Variants in TRAK1 observed in about 807,000 individuals in gnomAD.
The protein encoded by TRAK1 is trafficking kinesin protein 1.
A neutral mutation model predicts 92.1 loss-of-function variants in TRAK1; 33 were observed. That is an observed-to-expected ratio of 0.36 (90% CI 0.27 to 0.48). The LOEUF is 0.48. Ranked by LOEUF, TRAK1 falls within the 20% of genes least tolerant of loss-of-function variation. TRAK1 has a pLI of 0.99. For missense variants in TRAK1, 1,123 were observed against 1,257.9 expected (o/e 0.89, Z 1.62); for synonymous variants, 521 against 517.3 (o/e 1.01, Z -0.10).
At chr3:42,181,270 G>T (rs1398974846) in intron 3 of TRAK1, among the ~76,000 whole-genome samples, 1 of 152,152 alleles carries the variant, frequency 6.6e-6, no homozygotes, top group African/African-American at 2.4e-5. Flanking sequence ...AAGGCCGGGC[G>T]CAGTGGCTCA....
At chr3:42,170,394 C>T (rs1702395450) in intron 2 of TRAK1, among the ~76,000 whole-genome samples, 1 of 152,148 alleles carries the variant, frequency 6.6e-6, no homozygotes, top group Non-Finnish European at 1.5e-5. Context: ...ACAGTGCAGA[C>T]AGTAAGTGCT....
intron 2 of TRAK1, among the ~76,000 whole-genome samples, chr3:42,166,869 C>T (rs769430929): frequency 6.6e-6 from 1 of 152,224 alleles, no homozygotes; most frequent in Non-Finnish European, 1.5e-5. Flanking sequence ...CTAGGCACCA[C>T]ACAGACATGG....
At chr3:42,195,082 A>G in intron 10 of TRAK1, 141 bp downstream of exon 10, 2 of 1,042,642 alleles carry the variant, frequency 1.9e-6, no homozygotes, top group Non-Finnish European at 2.7e-6. Context: ...TGAATCAAGG[A>G]CACTTGAATC....
Position 42,201,041 on chromosome 3 carries a change from G to A in TRAK1, c.1414G>A (p.Ala472Thr). The A allele has an allele frequency of 6.2e-7, 1 of 1,614,234 alleles. No individual in the cohort carries two copies. Among genetic ancestry groups the A allele is most frequent in the Non-Finnish European group, 8.5e-7 (1 of 1,180,038 alleles). Residue 472 changes from alanine to threonine, a missense_variant, in exon 12 of 16, where the codon GCA becomes ACA. By Grantham distance (58) the Ala-to-Thr change is moderately conservative. This residue lies in a region of TRAK1 where 686 missense variants were observed against 747.6 expected (regional missense o/e 0.92). Coordinates refer to ENST00000327628, the MANE Select transcript of TRAK1 (RefSeq NM_001042646.3). ...CAACAGCATCATTCTGGAAACAGAGGCAGCCGACCTGGGGTGAGCAAGCTG... is the reference window on the plus strand; with the variant it reads ...CAACAGCATCATTCTGGAAACAGAGACAGCCGACCTGGGGTGAGCAAGCTG... Reference protein sequence around the residue: ...KTNSIILETEAADLGNDERSK... With the variant: ...KTNSIILETETADLGNDERSK...
rs745829384 is a variant in TRAK1, at chr3:42,125,378, A to G, written c.92-42A>G. 33 of 1,591,730 alleles carry G rather than the reference A, an allele frequency of 2.1e-5. No homozygotes were observed. In the South Asian group the frequency reaches 3.4e-4, roughly 16 times the overall value. On this transcript the variant is annotated intron_variant, in intron 1 of 15. Coordinates refer to ENST00000327628, the MANE Select transcript of TRAK1 (RefSeq NM_001042646.3). ...TTTAGTTAACTAGCAGCAAGGCCAT[A>G]GCCATTTCTGGGCTCTCATTTCTTG...
At chr3:42,032,486 A>C (rs1251658506) in intron 1 of TRAK1, among the ~76,000 whole-genome samples, 1 of 152,000 alleles carries the variant, frequency 6.6e-6, no homozygotes, top group African/African-American at 2.4e-5. Flanking sequence ...ACCTGAAAAA[A>C]AAAAAAAAAA....
At position 42,194,905 on chromosome 3, in the gene TRAK1, G is replaced by C. The variant is rs746442830; in HGVS notation, c.1077G>C (p.Thr359=). Residue 359 remains threonine, a synonymous_variant, in exon 10 of 16, where the codon ACG becomes ACC. Transcript: ENST00000327628. ...GGAACAAAACCATGCCCAATACCAC[G>C]TCTCGGCGCTACCACTCACTGGGCC... is the stretch of plus-strand genomic sequence containing the variant. ...NLRNKTMPNT[T]SRRYHSLGLF... is the part of the protein sequence containing the mutation. 12 of 1,613,950 alleles carry C rather than the reference G, an allele frequency of 7.4e-6. No homozygotes were observed. The highest frequency in any genetic ancestry group is 1.3e-5 in the African/African-American group (1 of 75,054).
chr3:42,104,530 A>G (rs577407543), intron 1 of TRAK1, among the ~76,000 whole-genome samples: 15 of 152,292 alleles, frequency 9.8e-5, no homozygotes, highest in Non-Finnish European at 1.8e-4. Flanking sequence ...AACGTCTGCC[A>G]TCCTGCAATA....
At chr3:42,207,304 C>T (rs1017559066) in intron 13 of TRAK1, among the ~76,000 whole-genome samples, 2 of 152,136 alleles carry the variant, frequency 1.3e-5, no homozygotes, top group East Asian at 1.9e-4. Flanking sequence ...AATGGGAGTC[C>T]GCAGGGACAG....
chr3:42,127,347 CTTTTT>C (rs71741232), intron 2 of TRAK1, among the ~76,000 whole-genome samples: 1 of 127,856 alleles, frequency 7.8e-6, no homozygotes, highest in Admixed American at 7.9e-5. Flanking sequence ...CATTCATACA[CTTTTT>C]TTTTTTTTTT....
intron 3 of TRAK1, among the ~76,000 whole-genome samples, chr3:42,181,046 A>G (rs1703927435): frequency 1.3e-5 from 2 of 152,176 alleles, no homozygotes; most frequent in South Asian, 4.1e-4. Context: ...TGTGACAGGT[A>G]GGACAAAGGA....
intron 1 of TRAK1, among the ~76,000 whole-genome samples, chr3:42,023,391 GCC>G (rs1701797068): frequency 2.6e-5 from 4 of 152,158 alleles, no homozygotes; most frequent in African/African-American, 9.6e-5. Context: ...CAAAGAGAAG[GCC>G]CATGGCAGGG....
intron 3 of TRAK1, among the ~76,000 whole-genome samples, chr3:42,183,184 A>G (rs1704249497): frequency 6.6e-6 from 1 of 152,232 alleles, no homozygotes; most frequent in Admixed American, 6.5e-5. Context: ...ATTGTATTTA[A>G]GTTAAAACAA....
At chr3:42,140,415 G>A (rs1698498455) in intron 2 of TRAK1, among the ~76,000 whole-genome samples, 2 of 152,174 alleles carry the variant, frequency 1.3e-5, no homozygotes, top group Admixed American at 1.3e-4. Context: ...GGATCATGAG[G>A]TCAGGAGATC....
At chr3:42,166,021 C>T (rs1701821741) in intron 2 of TRAK1, among the ~76,000 whole-genome samples, 1 of 152,096 alleles carries the variant, frequency 6.6e-6, no homozygotes, top group South Asian at 2.1e-4. Flanking sequence ...TTTCTTGTAT[C>T]ATCTGAGCTG....
chr3:42,218,160 C>CT, intron 14 of TRAK1: 3 of 985,374 alleles, frequency 3.0e-6, no homozygotes, highest in Non-Finnish European at 3.6e-6. Context: ...TCCTGCCTAC[C>CT]TTTAATCTGT....
At chr3:42,210,090 G>GAGGAGA (rs762287378) in intron 14 of TRAK1, 105 bp downstream of exon 14, 19 of 1,180,004 alleles carry the variant, frequency 1.6e-5, no homozygotes, top group Non-Finnish European at 2.1e-5. Context: ...GGCCACGGAG[G>GAGGAGA]AGGAGGAGGA....
rs116429731 is a variant in TRAK1 at position 42,183,731 on chromosome 3, A to T, written c.364-954A>T. 5.4e-3 allele frequency among the ~76,000 whole-genome samples: 823 copies of T among 152,280 alleles called. 14 individuals carry two copies. The highest frequency in any genetic ancestry group is 0.019 in the African/African-American group (784 of 41,538). On this transcript the variant is annotated intron_variant, in intron 3 of 15. Transcript: ENST00000327628. ...CGACATGTTTCCATTCTTTCTTTCA[A>T]ACCAGATGAGCAGAGTAATTAGCAT...
Position 42,223,772 on chromosome 3 carries a change from C to T in TRAK1, c.*35C>T, listed in dbSNP as rs781273035. 18 of 1,552,456 alleles carry T rather than the reference C, an allele frequency of 1.2e-5. No individual in the cohort carries two copies. Among genetic ancestry groups the T allele is most frequent in the Non-Finnish European group, 1.6e-5 (18 of 1,143,464 alleles). On this transcript the variant is annotated 3_prime_UTR_variant, in exon 16 of 16. Coordinates refer to ENST00000327628, the MANE Select transcript of TRAK1 (RefSeq NM_001042646.3). The surrounding 1 kb of genome is among the most constrained non-coding windows in gnomAD (Gnocchi z 6.1). ...GGGGGCCGGTTGCCCTAGAGGAGAC[C>T]CACGTTCTCCTCTCTTGCTCCCACC...
Sources: gnomAD v4.1 joint callset for allele counts (sites outside exome capture counted in the v4.1 genomes callset) on GRCh38, gnomAD v4.1.1 for gene constraint, gnomAD v4.1.1 regional missense constraint, Gnocchi (gnomAD v3.1) non-coding constraint, MANE v1.5 for transcripts, NCBI Gene and HGNC (gene_info 2026-07-23, HGNC 2026-07-21) for gene names.